Variants in SPRED2 observed in about 807,000 individuals in gnomAD.
SPRED2 encodes sprouty related EVH1 domain containing 2, also known as sprouty-related, EVH1 domain-containing protein 2.
Under a neutral mutation model 43.0 loss-of-function variants are expected in SPRED2, and 47 were observed. That is an observed-to-expected ratio of 1.09 (90% CI 0.87 to 1.40). The LOEUF is 1.40. Ranked by LOEUF, SPRED2 falls within the 40% of genes most tolerant of loss-of-function variation. The probability of loss-of-function intolerance (pLI) is 0.00; values close to 1 mark genes in which losing one functional copy is unlikely to be tolerated. For missense variants in SPRED2, 561 were observed against 586.4 expected, an observed-to-expected ratio of 0.96 and a Z score of 0.45; for synonymous variants, 225 against 225.7, an observed-to-expected ratio of 1.00 and a Z score of 0.03.
At chr2:65,360,101 A>C (rs767312180) in intron 1 of SPRED2, among the ~76,000 whole-genome samples, 2,806 of 12,408 alleles carry the variant, frequency 0.23, 102 homozygotes, top group African/African-American at 0.38. Flanking sequence ...AAAAAAAAAC[A>C]AAAAAAAAAA....
At chr2:65,368,828 T>A (rs1352507005) in intron 1 of SPRED2, among the ~76,000 whole-genome samples, 1 of 152,188 alleles carries the variant, frequency 6.6e-6, no homozygotes, top group Non-Finnish European at 1.5e-5. Flanking sequence ...ATGCCCGTAA[T>A]CCCAACACTT....
chr2:65,347,036 G>A (rs992509814), intron 1 of SPRED2, among the ~76,000 whole-genome samples: 1 of 152,070 alleles, frequency 6.6e-6, no homozygotes, highest in Non-Finnish European at 1.5e-5. Context: ...CGTGAATCTC[G>A]TCATTACCAA....
intron 1 of SPRED2, among the ~76,000 whole-genome samples, chr2:65,426,008 A>G (rs6755006): frequency 0.71 from 108,482 of 152,172 alleles, 39,913 homozygotes; most frequent in African/African-American, 0.89. Context: ...GGAGTTCATC[A>G]GCACAGCTGT....
At chr2:65,390,230 G>A (rs902547617) in intron 1 of SPRED2, among the ~76,000 whole-genome samples, 5 of 152,204 alleles carry the variant, frequency 3.3e-5, no homozygotes, top group East Asian at 1.9e-4. Flanking sequence ...AACCAAGGCT[G>A]CACCTGCACC....
intron 2 of SPRED2, 37 bp from the exon 3 acceptor site, chr2:65,334,810 A>G: frequency 6.2e-7 from 1 of 1,609,494 alleles, no homozygotes. Flanking sequence ...TTACTAGTGG[A>G]ACAGCCATGA....
intron 4 of SPRED2, among the ~76,000 whole-genome samples, chr2:65,324,294 G>C (rs1395605909): frequency 6.6e-6 from 1 of 152,146 alleles, no homozygotes; most frequent in African/African-American, 2.4e-5. Context: ...TTCAAAACTT[G>C]AGACAGAATT....
At chr2:65,430,363 G>A (rs1676648733) in intron 1 of SPRED2, among the ~76,000 whole-genome samples, 1 of 152,190 alleles carries the variant, frequency 6.6e-6, no homozygotes, top group African/African-American at 2.4e-5. Context: ...AAGATCAGGG[G>A]TTACTGCAGT....
chr2:65,332,687 T>C (rs1372512339), intron 3 of SPRED2, among the ~76,000 whole-genome samples: 1 of 152,198 alleles, frequency 6.6e-6, no homozygotes, highest in African/African-American at 2.4e-5. Flanking sequence ...AAGTCAAAAT[T>C]ACAGCTCTTG....
chr2:65,365,421 T>TACTG (rs1232895757), intron 1 of SPRED2, among the ~76,000 whole-genome samples: 1 of 152,248 alleles, frequency 6.6e-6, no homozygotes, highest in African/African-American at 2.4e-5. Context: ...TGAATGCATT[T>TACTG]ACTGACAGCT....
chr2:65,351,182 T>C (rs2104287407), intron 1 of SPRED2, among the ~76,000 whole-genome samples: 1 of 152,264 alleles, frequency 6.6e-6, no homozygotes, highest in South Asian at 2.1e-4. Flanking sequence ...TGTCAGGCTC[T>C]TGACAGTAGG....
intron 1 of SPRED2, among the ~76,000 whole-genome samples, chr2:65,349,553 CTG>C (rs1266593785): frequency 1.5e-5 from 2 of 137,112 alleles, no homozygotes; most frequent in Non-Finnish European, 3.2e-5. Flanking sequence ...AATTGAAACT[CTG>C]TGCACCTCTT....
chr2:65,426,404 T>C (rs1676559185), intron 1 of SPRED2, among the ~76,000 whole-genome samples: 1 of 152,216 alleles, frequency 6.6e-6, no homozygotes, highest in African/African-American at 2.4e-5. Context: ...TTTTATTCAA[T>C]AGACATTAAG....
Position 65,312,487 on chromosome 2 carries a change from ATAACCTTAGT to A in SPRED2, c.*1004_*1013del, listed in dbSNP as rs2104096790. The stretch of plus-strand genomic sequence containing the variant: ...GAAGCTCCCTATGGTTTTATTCACC[ATAACCTTAGT>A]GTTTCTCAACTGGAACTTGTTCGTG... On this transcript the variant is annotated 3_prime_UTR_variant, in exon 6 of 6. Transcript: ENST00000356388. 1 of 985,406 alleles carries A rather than the reference ATAACCTTAGT, an allele frequency of 1.0e-6. No individual in the cohort carries two copies. The highest frequency in any genetic ancestry group is 1.7e-5 in the African/African-American group (1 of 57,366). The allele number at this position is 985,406 out of a possible 1,614,324, so 61.0% of individuals were successfully genotyped here. A position where few individuals can be genotyped will look rare whatever the true frequency, so the allele number is the denominator to read the frequency against.
At chr2:65,375,434 C>T in intron 1 of SPRED2, among the ~76,000 whole-genome samples, 1 of 146,818 alleles carries the variant, frequency 6.8e-6, no homozygotes, top group East Asian at 1.9e-4. Context: ...GACCAGCACT[C>T]ATCCTCATAA....
chr2:65,401,503 A>G (rs1298525125), intron 1 of SPRED2, among the ~76,000 whole-genome samples: 1 of 151,830 alleles, frequency 6.6e-6, no homozygotes, highest in Non-Finnish European at 1.5e-5. Flanking sequence ...GTGAGAGCTC[A>G]AGAAGGTATT....
chr2:65,317,003 C>T (rs1279228596), intron 4 of SPRED2, 120 bp from the exon 5 acceptor site: 7 of 1,076,146 alleles, frequency 6.5e-6, no homozygotes, highest in Middle Eastern at 2.3e-4. Context: ...ATTTGCTGCT[C>T]TTCCCAAAAT....
At chr2:65,362,727 G>A (rs571539788) in intron 1 of SPRED2, among the ~76,000 whole-genome samples, 3 of 152,124 alleles carry the variant, frequency 2.0e-5, no homozygotes, top group East Asian at 2.0e-4. Flanking sequence ...GCGTGGTGGT[G>A]CATGTCTGTA....
At chr2:65,390,270 A>C (rs1202025367) in intron 1 of SPRED2, among the ~76,000 whole-genome samples, 1 of 152,228 alleles carries the variant, frequency 6.6e-6, no homozygotes, top group Non-Finnish European at 1.5e-5. Context: ...CATGTAGCAA[A>C]ACTGAAAGAA....
intron 1 of SPRED2, among the ~76,000 whole-genome samples, chr2:65,414,936 T>C (rs1676239319): frequency 6.6e-6 from 1 of 152,148 alleles, no homozygotes; most frequent in African/African-American, 2.4e-5. Flanking sequence ...CTCTGAGTCA[T>C]TAGTTGACTC....
Sources: allele counts gnomAD v4.1 joint callset (sites outside exome capture counted in the v4.1 genomes callset), GRCh38; gene constraint gnomAD v4.1.1; transcripts MANE v1.5; gene names NCBI Gene and HGNC (gene_info 2026-07-23, HGNC 2026-07-21).